The following CARD6 variants were observed in gnomAD, a reference collection of about 807,000 sequenced individuals.
CARD6 encodes the protein caspase recruitment domain-containing protein 6.
Under a neutral mutation model 23.6 loss-of-function variants are expected in CARD6, and 27 were observed. That is an observed-to-expected ratio of 1.14 (90% CI 0.84 to 1.58). The LOEUF is 1.58. Ranked by LOEUF, CARD6 falls within the 40% of genes most tolerant of loss-of-function variation. The pLI, the probability that CARD6 is intolerant of heterozygous loss-of-function variation, is 0.00. For synonymous variants in CARD6, 397 were observed against 431.8 expected (o/e 0.92, Z 1.00); for missense variants, 1,214 against 1,209.9 (o/e 1.00, Z -0.05).
intron 2 of CARD6, among the ~76,000 whole-genome samples, chr5:40,848,582 T>A: frequency 6.6e-6 from 1 of 152,180 alleles, no homozygotes; most frequent in East Asian, 1.9e-4. Context: ...TGAGTATGAG[T>A]TACATTTCTT....
intron 2 of CARD6, among the ~76,000 whole-genome samples, chr5:40,847,716 T>G (rs780389350): frequency 6.6e-6 from 1 of 152,148 alleles, no homozygotes; most frequent in Non-Finnish European, 1.5e-5. Flanking sequence ...ATTGATCCTC[T>G]GTAAGTGCTG....
Position 40,841,615 on chromosome 5 carries a change from GT to G in CARD6, c.236del (p.Leu79TyrfsTer14). 1 of 1,614,028 alleles carries G rather than the reference GT, an allele frequency of 6.2e-7. No homozygotes were observed. The highest frequency in any genetic ancestry group is 1.1e-5 in the South Asian group (1 of 91,074). On this transcript the variant is annotated frameshift_variant, in exon 1 of 3. Transcript: ENST00000254691. LOFTEE classifies it high-confidence loss of function. The stretch of plus-strand genomic sequence containing the variant: ...GCGACCTGTCAGCATTTTCTCAAGT[GT>G]TTATTTAGTACTTTTCCACAGTCAG... ...GEATCQHFLK[C>X]LFSTFPQSAA...
Position 40,854,303 on chromosome 5 carries a change from C to A in CARD6, c.2971C>A (p.Gln991Lys), listed in dbSNP as rs767315587. The A allele has an allele frequency of 3.9e-5, 63 of 1,614,078 alleles. No homozygotes were observed. The highest frequency in any genetic ancestry group is 5.0e-5 in the Non-Finnish European group (59 of 1,180,040). The change falls in exon 3 of 3, where the codon CAG becomes AAG. Residue 991 changes from glutamine to lysine, a missense_variant. Coordinates refer to ENST00000254691, the MANE Select transcript of CARD6 (RefSeq NM_032587.4). ...TAAACCTTCTCCATGCAAATCTACT[C>A]AGCCTAAGCCAAGCCAGCCCTGGCC... ...QTKPSPCKST[Q>K]PKPSQPWPPQ...
In CARD6 at chr5:40,841,400, TC is replaced by T; in HGVS notation, c.21del (p.Ser8GlnfsTer4). On this transcript the variant is annotated frameshift_variant, in exon 1 of 3. Coordinates refer to ENST00000254691, the MANE Select transcript of CARD6 (RefSeq NM_032587.4). LOFTEE classifies it high-confidence loss of function. Reference sequence around the variant, plus strand: ...CAGGAACAATGGCTACCGAGAGTACTCCCTCAGAGATCATAGAAAGAGAAAG... The same window carrying T: ...CAGGAACAATGGCTACCGAGAGTACTCCTCAGAGATCATAGAAAGAGAAAG... MATEST[P>X]SEIIERERKK... is the part of the protein sequence containing the mutation. 1 of 1,605,072 alleles carries T rather than the reference TC, an allele frequency of 6.2e-7. No individual in the cohort carries two copies. Among genetic ancestry groups the T allele is most frequent in the Non-Finnish European group, 8.5e-7 (1 of 1,176,792 alleles).
chr5:40,845,954 G>C (rs111324925), intron 2 of CARD6, among the ~76,000 whole-genome samples: 4,036 of 151,954 alleles, frequency 0.027, 201 homozygotes, highest in African/African-American at 0.091. Context: ...GTGGTTGAAG[G>C]CTGGTCTCTC....
At chr5:40,848,680 C>A (rs1167316676) in intron 2 of CARD6, among the ~76,000 whole-genome samples, 1 of 151,692 alleles carries the variant, frequency 6.6e-6, no homozygotes, top group East Asian at 2.1e-4. Flanking sequence ...ATATTTCTCC[C>A]AAGAGTCTGA....
rs200526448 is a variant in CARD6, at chr5:40,853,671, G to T, written c.2339G>T (p.Gly780Val). ...CAGAATGCAGGGGCCCAGGGCCGAG[G>T]TAAAAGTTTTGGTATTCAATCCTTC... Reference protein sequence around the residue: ...PFQNAGAQGRGKSFGIQSFHP... With the variant: ...PFQNAGAQGRVKSFGIQSFHP... The change falls in exon 3 of 3, where the codon GGT (glycine) becomes GTT (valine). Residue 780 changes from glycine to valine, a missense_variant. Physicochemically the swap from Gly to Val is moderately radical, Grantham distance 109. Transcript: ENST00000254691. 3.1e-6 allele frequency: 5 copies of T among 1,614,206 alleles called. No homozygotes were observed. In the East Asian group the frequency reaches 8.9e-5, roughly 29 times the overall value.
chr5:40,854,924 A>G lies in CARD6; in HGVS notation c.*478A>G, dbSNP rs79619305. The G allele has an allele frequency of 0.043, 6,828 of 157,308 alleles. 197 individuals are homozygous for G. The highest frequency in any genetic ancestry group is 0.07 in the Middle Eastern group (21 of 300). 9.7% of individuals were successfully genotyped at this position (157,308 alleles called of 1,614,324 possible). On this transcript the variant is annotated 3_prime_UTR_variant, in exon 3 of 3. Transcript: ENST00000254691. ...TATCTTTAAGATATCTGTAAGTGTT[A>G]TATCCCTAACCAAGAAGAAAAATAT...
At chr5:40,843,045 T>C in intron 1 of CARD6, 107 bp from the exon 2 acceptor site, 1 of 711,638 alleles carries the variant, frequency 1.4e-6, no homozygotes. Context: ...TCTCAAAAAA[T>C]AAATAAATAA....
At chr5:40,843,014 G>A (rs966055807) in intron 1 of CARD6, 138 bp from the exon 2 acceptor site, 11 of 630,732 alleles carry the variant, frequency 1.7e-5, no homozygotes, top group Non-Finnish European at 2.6e-5. Flanking sequence ...CTCCAGCCTC[G>A]GCAACAAGAG....
chr5:40,841,649 T>C lies in CARD6; in HGVS notation c.267T>C (p.Ile89=), dbSNP rs1161006048. ...GTACTTTTCCACAGTCAGCTGCCAT[T>C]TGCGGCTTAAGGCATGGTAAGTTGA... The part of the protein sequence containing the change: ...LFSTFPQSAA[I]CGLRHEVLKH... The change falls in exon 1 of 3, where the codon ATT becomes ATC. Residue 89 remains isoleucine (I), a synonymous_variant. Transcript: ENST00000254691. 6.2e-7 allele frequency: 1 copy of C among 1,613,664 alleles called. No homozygotes were observed. The highest frequency in any genetic ancestry group is 1.7e-5 in the Admixed American group (1 of 59,950).
chr5:40,841,414 TAGAA>T lies in CARD6; in HGVS notation c.36_39del (p.Arg13LysfsTer17). 1 of 1,611,826 alleles carries T rather than the reference TAGAA, an allele frequency of 6.2e-7. No individual in the cohort carries two copies. Among genetic ancestry groups the T allele is most frequent in the South Asian group, 1.1e-5 (1 of 90,868 alleles). ...ACCGAGAGTACTCCCTCAGAGATCA[TAGAA>T]AGAGAAAGAAAAAAGTTGCTTGAAA... On this transcript the variant is annotated frameshift_variant, in exon 1 of 3. Transcript: ENST00000254691. LOFTEE classifies it high-confidence loss of function.
chr5:40,853,697 C>T lies in CARD6; in HGVS notation c.2365C>T (p.His789Tyr). 6.2e-7 allele frequency: 1 copy of T among 1,614,182 alleles called. No homozygotes were observed. The highest frequency in any genetic ancestry group is 1.1e-5 in the South Asian group (1 of 91,086). Reference protein sequence around the residue: ...RGKSFGIQSFHPQIFYSGERF... With the variant: ...RGKSFGIQSFYPQIFYSGERF... ...TAAAAGTTTTGGTATTCAATCCTTC[C>T]ATCCCCAGATATTTTATTCAGGTGA... Residue 789 changes from histidine (H) to tyrosine (Y), a missense_variant, in exon 3 of 3, where the codon CAT (histidine) becomes TAT (tyrosine). Coordinates refer to ENST00000254691, the MANE Select transcript of CARD6 (RefSeq NM_032587.4).
chr5:40,848,777 A>C (rs1042262517), intron 2 of CARD6, among the ~76,000 whole-genome samples: 4 of 152,138 alleles, frequency 2.6e-5, no homozygotes, highest in African/African-American at 9.7e-5. Flanking sequence ...GTGGCAGCTG[A>C]AATCTCTGTT....
At chr5:40,848,066 A>G (rs1364410787) in intron 2 of CARD6, among the ~76,000 whole-genome samples, 5 of 151,968 alleles carry the variant, frequency 3.3e-5, no homozygotes, top group Admixed American at 3.3e-4. Flanking sequence ...GTCATCTCCA[A>G]TTTGTTGTTA....
Position 40,852,537 on chromosome 5 carries a change from A to G in CARD6, c.1205A>G (p.Gln402Arg). The G allele has an allele frequency of 1.9e-6, 3 of 1,614,054 alleles. No individual in the cohort carries two copies. The highest frequency in any genetic ancestry group is 2.5e-6 in the Non-Finnish European group (3 of 1,180,016). The change falls in exon 3 of 3, where the codon CAG (glutamine) becomes CGG (arginine). Residue 402 changes from glutamine to arginine, a missense_variant. Physicochemically the swap from Gln to Arg is conservative, Grantham distance 43 (BLOSUM62 1). Transcript: ENST00000254691. ...RQVMSNMYQC[Q>R]FALPLLLPDA... ...GTCATGTCAAACATGTATCAGTGCCAGTTTGCTCTTCCCCTGCTACTGCCA... is the reference window on the plus strand; with the variant it reads ...GTCATGTCAAACATGTATCAGTGCCGGTTTGCTCTTCCCCTGCTACTGCCA...
In CARD6 at chr5:40,841,378, G is replaced by T. The variant is rs1324631354; in HGVS notation, c.-5G>T. ...ATATTTCCTGGTTTAGAGGAAACAG[G>T]AACAATGGCTACCGAGAGTACTCCC... On this transcript the variant is annotated 5_prime_UTR_variant, in exon 1 of 3. Coordinates refer to ENST00000254691, the MANE Select transcript of CARD6 (RefSeq NM_032587.4). 6.3e-7 allele frequency: 1 copy of T among 1,586,570 alleles called. No individual in the cohort carries two copies. Among genetic ancestry groups the T allele is most frequent in the South Asian group, 1.1e-5 (1 of 87,542 alleles).
chr5:40,845,889 T>A (rs904090968), intron 2 of CARD6, among the ~76,000 whole-genome samples: 11 of 152,166 alleles, frequency 7.2e-5, no homozygotes, highest in Non-Finnish European at 1.3e-4. Context: ...ATGTCTGTGG[T>A]TGGCTGGGCA....
intron 2 of CARD6, among the ~76,000 whole-genome samples, chr5:40,844,551 G>A (rs1419367348): frequency 2.0e-5 from 3 of 152,176 alleles, no homozygotes; most frequent in African/African-American, 7.2e-5. Context: ...ATTTCTTAAT[G>A]AAAATTCAAA....
Sources: allele counts gnomAD v4.1 joint callset (sites outside exome capture counted in the v4.1 genomes callset), GRCh38; gene constraint gnomAD v4.1.1; transcripts MANE v1.5; gene names NCBI Gene and HGNC (gene_info 2026-07-23, HGNC 2026-07-21).